The following WDPCP variants were observed in gnomAD, a reference collection of about 807,000 sequenced individuals.
WDPCP encodes the protein WD repeat-containing and planar cell polarity effector protein fritz homolog.
In WDPCP, 71 loss-of-function variants were observed where a neutral mutation model predicts 93.1. That is an observed-to-expected ratio of 0.76 (90% CI 0.63 to 0.93). WDPCP has a LOEUF of 0.93. WDPCP is among the 40% of genes least tolerant of loss of function. The pLI is 0.00. For synonymous variants in WDPCP, 315 were observed against 315.0 expected (o/e 1.00, Z 0.00); for missense variants, 844 against 887.4 (o/e 0.95, Z 0.62).
chr2:63,538,281 T>A (rs926282352), intron 1 of WDPCP, among the ~76,000 whole-genome samples: 1 of 152,090 alleles, frequency 6.6e-6, no homozygotes, highest in Non-Finnish European at 1.5e-5. Flanking sequence ...CAAAATTAGA[T>A]GTACAGAACC....
rs568490216 is a variant in WDPCP at position 63,143,356 on chromosome 2, G to C, written c.2190+9558C>G. ...TCTGAAGGCAGCAGAGAGTTGGTTG[G>C]TGAGTTCTTATCCATTCTGTGGTTC... is the stretch of plus-strand genomic sequence containing the variant. On this transcript the variant is annotated intron_variant, in intron 17 of 17. Transcript: ENST00000272321. Among the ~76,000 whole-genome samples the C allele has an allele frequency of 5.3e-5, 8 of 152,230 alleles. No homozygotes were observed. The South Asian group carries it at 1.7e-3, about 32-fold the overall frequency.
chr2:63,465,994 G>T (rs999625653), intron 6 of WDPCP, among the ~76,000 whole-genome samples: 3 of 152,122 alleles, frequency 2.0e-5, no homozygotes, highest in Non-Finnish European at 4.4e-5. Context: ...TACCCAGGGT[G>T]CCTCTGTGCC....
At chr2:63,432,630 G>A in intron 9 of WDPCP, among the ~76,000 whole-genome samples, 1 of 152,112 alleles carries the variant, frequency 6.6e-6, no homozygotes, top group Middle Eastern at 3.2e-3. Flanking sequence ...AAACAACACT[G>A]GAAAGGCAGG....
chr2:63,257,061 A>ATGTT (rs1174583714), intron 14 of WDPCP, among the ~76,000 whole-genome samples: 1 of 152,116 alleles, frequency 6.6e-6, no homozygotes, highest in Admixed American at 6.6e-5. Context: ...TTCTGTATGC[A>ATGTT]TGTTAGACTT....
chr2:63,457,159 C>G (rs571736231), intron 6 of WDPCP, among the ~76,000 whole-genome samples: 17 of 152,116 alleles, frequency 1.1e-4, no homozygotes, highest in South Asian at 1.0e-3. Context: ...ACAACTGATG[C>G]CACAGAAATG....
intron 3 of WDPCP, among the ~76,000 whole-genome samples, chr2:63,613,890 C>T (rs1709645225): frequency 6.6e-6 from 1 of 152,182 alleles, no homozygotes; most frequent in Admixed American, 6.5e-5. Flanking sequence ...TTAAGACCCC[C>T]TCCCTAGGAA....
chr2:63,722,571 GC>G (rs1208748936), intron 2 of WDPCP, among the ~76,000 whole-genome samples: 10 of 124,188 alleles, frequency 8.1e-5, no homozygotes, highest in East Asian at 2.1e-4. Flanking sequence ...GGGGGGGTCA[GC>G]CCCCCGCCCG....
At chr2:63,699,288 A>G (rs1669010719) in intron 2 of WDPCP, among the ~76,000 whole-genome samples, 1 of 152,238 alleles carries the variant, frequency 6.6e-6, no homozygotes, top group South Asian at 2.1e-4. Flanking sequence ...TAATGGTAGT[A>G]CTTCACAGAT....
intron 13 of WDPCP, among the ~76,000 whole-genome samples, chr2:63,270,168 C>T (rs762476174): frequency 6.6e-6 from 1 of 152,114 alleles, no homozygotes; most frequent in East Asian, 1.9e-4. Flanking sequence ...GTTCCACAGT[C>T]TTTCTTGTAT....
intron 15 of WDPCP, among the ~76,000 whole-genome samples, chr2:63,164,182 A>G (rs1197224374): frequency 1.3e-5 from 2 of 152,214 alleles, no homozygotes; most frequent in African/African-American, 2.4e-5. Flanking sequence ...TTGAAATACA[A>G]GAACTAGTTT....
chr2:63,597,176 A>G, intron 3 of WDPCP: 4 of 593,408 alleles, frequency 6.7e-6, no homozygotes, highest in Non-Finnish European at 8.5e-6. Context: ...TTGACATTTA[A>G]GTAATTATTG....
chr2:63,505,719 G>C (rs1441762350), intron 1 of WDPCP, among the ~76,000 whole-genome samples: 1 of 151,782 alleles, frequency 6.6e-6, no homozygotes, highest in African/African-American at 2.4e-5. Flanking sequence ...ATACCTACCT[G>C]AAAAAAAGGA....
At chr2:63,823,578 A>T (rs1671062241) in intron 1 of WDPCP, among the ~76,000 whole-genome samples, 1 of 152,212 alleles carries the variant, frequency 6.6e-6, no homozygotes, top group African/African-American at 2.4e-5. Flanking sequence ...TGAATACTAG[A>T]ATCACTAGAG....
rs149863344 is a variant in WDPCP at position 63,210,903 on chromosome 2, G to C, written c.1916-36071C>G. Among the ~76,000 whole-genome samples, 800 of 152,350 alleles carry C rather than the reference G, an allele frequency of 5.3e-3. 10 individuals carry two copies. Among genetic ancestry groups the C allele is most frequent in the African/African-American group, 0.018 (739 of 41,584 alleles). Reference sequence around the variant, plus strand: ...CAAACTGCAAGGGGGCAGCAAGGCTGGGGGAGGGACACCCGCCATTGCTGA... The same window carrying C: ...CAAACTGCAAGGGGGCAGCAAGGCTCGGGGAGGGACACCCGCCATTGCTGA... On this transcript the variant is annotated intron_variant, in intron 14 of 17. Coordinates refer to ENST00000272321, the MANE Select transcript of WDPCP (RefSeq NM_015910.7).
chr2:63,523,926 A>C (rs1703129113), intron 1 of WDPCP, among the ~76,000 whole-genome samples: 1 of 152,136 alleles, frequency 6.6e-6, no homozygotes, highest in Non-Finnish European at 1.5e-5. Context: ...AAATAAAAAT[A>C]AAAAGCAATG....
At chr2:63,837,834 T>C in the WDPCP span, among the ~76,000 whole-genome samples, 2 of 152,248 alleles carry the variant, frequency 1.3e-5, no homozygotes, top group Admixed American at 6.5e-5. Context: ...GGCGGGCCTG[T>C]GGCTTACGCC....
At chr2:63,232,375 G>C (rs1574941941) in intron 14 of WDPCP, 2 of 152,278 alleles carry the variant, frequency 1.3e-5, no homozygotes, top group South Asian at 4.1e-4. Flanking sequence ...TAACAGAAGA[G>C]AAGATCCTTT....
chr2:63,411,764 A>C (rs1455457805), intron 9 of WDPCP, among the ~76,000 whole-genome samples: 1 of 152,182 alleles, frequency 6.6e-6, no homozygotes, highest in Admixed American at 6.5e-5. Context: ...TACACACATA[A>C]ACTAGAAAAC....
At chr2:63,258,513 G>A (rs1448572851) in intron 14 of WDPCP, among the ~76,000 whole-genome samples, 1 of 150,750 alleles carries the variant, frequency 6.6e-6, no homozygotes, top group East Asian at 1.9e-4. Flanking sequence ...CAATGGAAAG[G>A]CTTGTATAAG....
Sources: allele counts gnomAD v4.1 joint callset (sites outside exome capture counted in the v4.1 genomes callset), GRCh38; gene constraint gnomAD v4.1.1; transcripts MANE v1.5; gene names NCBI Gene and HGNC (gene_info 2026-07-23, HGNC 2026-07-21).